The following MDM2 variants were observed in gnomAD, a reference collection of about 807,000 sequenced individuals.
MDM2 encodes the protein MDM2 proto-oncogene, also known as E3 ubiquitin-protein ligase Mdm2.
A neutral mutation model predicts 64.3 loss-of-function variants in MDM2; 11 were observed. That is an observed-to-expected ratio of 0.17 (90% CI 0.11 to 0.28). MDM2 has a LOEUF of 0.28. MDM2 is among the 10% of genes least tolerant of loss of function. The pLI, the probability that MDM2 is intolerant of heterozygous loss-of-function variation, is 1.00. For missense variants in MDM2, 388 were observed against 577.1 expected (o/e 0.67, Z 3.36); for synonymous variants, 194 against 192.9 (o/e 1.01, Z -0.05).
chr12:68,845,659 A>G (rs1236950906), downstream of MDM2: 1 of 174,582 alleles, frequency 5.7e-6, no homozygotes, highest in Admixed American at 6.4e-5. Flanking sequence ...CAGTCCTACA[A>G]TCCCACATCT....
In MDM2 at chr12:68,841,558, C is replaced by A; in HGVS notation, c.*1709C>A. 1 of 208,960 alleles carries A rather than the reference C, an allele frequency of 4.8e-6. No homozygotes were observed. The highest frequency in any genetic ancestry group is 9.7e-6 in the Non-Finnish European group (1 of 102,876). The allele number at this position is 208,960 out of a possible 1,614,324, so 12.9% of individuals were successfully genotyped here. ...AGATTACATCAGGCCCTTTTTCACACACAAAAAAATCCTTTATGGGATTTA... is the reference window on the plus strand; with the variant it reads ...AGATTACATCAGGCCCTTTTTCACAAACAAAAAAATCCTTTATGGGATTTA... On this transcript the variant is annotated 3_prime_UTR_variant, in exon 11 of 11. Transcript: ENST00000258149.
downstream of MDM2, chr12:68,849,114 T>TG (rs1884526484): frequency 1.4e-5 from 2 of 146,006 alleles, no homozygotes; most frequent in African/African-American, 5.2e-5. Flanking sequence ...TTTTTTGAGA[T>TG]GGAGTTTCAC....
At position 68,820,317 on chromosome 12, in the gene MDM2, T is replaced by C. The variant is rs12809314; in HGVS notation, c.309-8T>C. 1.3e-6 allele frequency: 2 copies of C among 1,578,630 alleles called. No homozygotes were observed. Among genetic ancestry groups the C allele is most frequent in the Non-Finnish European group, 1.7e-6 (2 of 1,162,294 alleles). On this transcript the variant is annotated splice_region_variant and splice_polypyrimidine_tract_variant and intron_variant, in intron 4 of 10. Transcript: ENST00000258149. ...TCTCTTGTTATTTTTTTTTTTTCTGTCTACAAGGAAAATATATACCATGAT... is the reference window on the plus strand; with the variant it reads ...TCTCTTGTTATTTTTTTTTTTTCTGCCTACAAGGAAAATATATACCATGAT...
intron 5 of MDM2, among the ~76,000 whole-genome samples, chr12:68,823,446 A>T (rs1882039365): frequency 6.6e-6 from 1 of 152,228 alleles, no homozygotes; most frequent in Admixed American, 6.5e-5. Context: ...CCACTCATTT[A>T]TTCACCCAAG....
At chr12:68,823,405 CT>C (rs1882034059) in intron 5 of MDM2, among the ~76,000 whole-genome samples, 1 of 152,132 alleles carries the variant, frequency 6.6e-6, no homozygotes, top group Admixed American at 6.5e-5. Context: ...ATCTGTTTAT[CT>C]TTCTAAAGTT....
chr12:68,813,531 TAGC>T lies in MDM2; in HGVS notation c.100-20_100-18del, dbSNP rs779003776. 3.2e-6 allele frequency: 5 copies of T among 1,547,026 alleles called. No homozygotes were observed. Among genetic ancestry groups the T allele is most frequent in the Non-Finnish European group, 4.5e-6 (5 of 1,122,176 alleles). On this transcript the variant is annotated intron_variant, in intron 2 of 10. Coordinates refer to ENST00000258149, the MANE Select transcript of MDM2 (RefSeq NM_002392.6). ...TTCTGGGATAATTTTGGAAGTATAA[TAGC>T]AGTTCTTTTCTCTTTATAGGTTAGA...
Position 68,808,580 on chromosome 12 carries a change from A to C in MDM2, c.14+89A>C, listed in dbSNP as rs376470935. The C allele has an allele frequency of 3.6e-4, 577 of 1,585,832 alleles. 2 individuals carry two copies. In the African/African-American group the frequency reaches 6.8e-3, roughly 19 times the overall value. ...TGGTTCCCAGCCTCTGCCCGTTCGC[A>C]GCCTTTGTGCGGTTCGTGGCTGGGG... On this transcript the variant is annotated intron_variant, in intron 1 of 10. Coordinates refer to ENST00000258149, the MANE Select transcript of MDM2 (RefSeq NM_002392.6).
chr12:68,823,700 G>T (rs142654776), intron 5 of MDM2, among the ~76,000 whole-genome samples: 47 of 152,274 alleles, frequency 3.1e-4, no homozygotes, highest in African/African-American at 1.1e-3. Flanking sequence ...CCATTTAGGG[G>T]TTCATTATTG....
At chr12:68,835,800 TTAAG>T (rs770001266) in intron 8 of MDM2, 25 bp from the exon 9 acceptor site, 1 of 1,602,274 alleles carries the variant, frequency 6.2e-7, no homozygotes, top group South Asian at 1.1e-5. Flanking sequence ...GTGATGTTTA[TTAAG>T]TTATATATTT....
intron 2 of MDM2, among the ~76,000 whole-genome samples, chr12:68,809,759 A>G (rs1565730917): frequency 6.6e-6 from 1 of 152,232 alleles, no homozygotes; most frequent in Non-Finnish European, 1.5e-5. Context: ...ATTTGAATTT[A>G]AATCTATGTT....
chr12:68,810,412 C>CT (rs1251121190), intron 2 of MDM2, among the ~76,000 whole-genome samples: 2 of 152,036 alleles, frequency 1.3e-5, no homozygotes, highest in East Asian at 3.9e-4. Context: ...CCAAAAGGCT[C>CT]TAACAGTTTC....
Position 68,835,972 on chromosome 12 carries a change from T to C in MDM2, c.828T>C (p.Asp276=). Reference sequence around the variant, plus strand: ...GTGAAGAAGGACAAGAACTCTCAGATGAAGATGATGAGGTAGTATTTTTTT... The same window carrying C: ...GTGAAGAAGGACAAGAACTCTCAGACGAAGATGATGAGGTAGTATTTTTTT... The part of the protein sequence containing the change: ...SLSEEGQELS[D]EDDEVYQVTV... Residue 276 remains aspartate (D), a synonymous_variant, in exon 9 of 11, where the codon GAT becomes GAC. Transcript: ENST00000258149. The C allele has an allele frequency of 6.2e-7, 1 of 1,606,486 alleles. No homozygotes were observed. Among genetic ancestry groups the C allele is most frequent in the Non-Finnish European group, 8.5e-7 (1 of 1,176,314 alleles).
chr12:68,847,196 T>TATATATATATATATATATATATA (rs1884363867), downstream of MDM2: 2 of 92,080 alleles, frequency 2.2e-5, no homozygotes, highest in African/African-American at 5.9e-5. Context: ...TGTGTGTACA[T>TATATATATATATATATATATATA]TATATATATA....
chr12:68,824,743 C>G, intron 7 of MDM2, 92 bp downstream of exon 7: 1 of 829,384 alleles, frequency 1.2e-6, no homozygotes, highest in East Asian at 2.7e-5. Context: ...TTAAATTGTT[C>G]CCTTTTTTTG....
In MDM2 at chr12:68,844,865, T is replaced by C. The variant is rs924270227; in HGVS notation, c.*5016T>C. On this transcript the variant is annotated 3_prime_UTR_variant, in exon 11 of 11. Coordinates refer to ENST00000258149, the MANE Select transcript of MDM2 (RefSeq NM_002392.6). ...CACTGCAACCTCTGCCTCCTGGCTG[T>C]GTTCAAGTGGTTCTGCTTCAGCCTC... 4.9e-6 allele frequency: 1 copy of C among 202,362 alleles called. No individual in the cohort carries two copies. The highest frequency in any genetic ancestry group is 1.0e-5 in the Non-Finnish European group (1 of 98,616). 12.5% of individuals were successfully genotyped at this position (202,362 alleles called of 1,614,324 possible). A position where few individuals can be genotyped will look rare whatever the true frequency, so the allele number is the denominator to read the frequency against.
downstream of MDM2, chr12:68,847,562 T>C (rs903956304): frequency 1.4e-5 from 2 of 144,406 alleles, no homozygotes; most frequent in Non-Finnish European, 3.0e-5. Context: ...CACGCCATTC[T>C]CCTGCCTCAG....
chr12:68,828,632 G>C (rs1882536256), intron 7 of MDM2, 139 bp from the exon 8 acceptor site: 1 of 656,922 alleles, frequency 1.5e-6, no homozygotes. Context: ...TGCTGTAACA[G>C]TTGGACAGAT....
chr12:68,829,923 A>C (rs958081030), intron 8 of MDM2, among the ~76,000 whole-genome samples: 2 of 152,258 alleles, frequency 1.3e-5, no homozygotes, highest in South Asian at 2.1e-4. Flanking sequence ...TTTGTTAACA[A>C]GAATGCTTGA....
chr12:68,847,057 C>G (rs528177369), downstream of MDM2: 2 of 150,158 alleles, frequency 1.3e-5, no homozygotes, highest in East Asian at 3.9e-4. Context: ...GCAAACATGA[C>G]TCACTGCAGC....
Sources: gnomAD v4.1 joint callset for allele counts (sites outside exome capture counted in the v4.1 genomes callset) on GRCh38, gnomAD v4.1.1 for gene constraint, MANE v1.5 for transcripts, NCBI Gene and HGNC (gene_info 2026-07-23, HGNC 2026-07-21) for gene names.